Variants in SIMC1 observed in about 807,000 individuals in gnomAD.
The protein encoded by SIMC1 is SUMO interacting motifs containing 1, also known as SUMO-interacting motif-containing protein 1.
Under a neutral mutation model 82.3 loss-of-function variants are expected in SIMC1, and 55 were observed. That is an observed-to-expected ratio of 0.67 (90% confidence interval 0.54 to 0.84). SIMC1 has a LOEUF of 0.84. Among genes scored for constraint, SIMC1 ranks in the 40% least tolerant of loss-of-function variants. The pLI is 0.00. For synonymous variants in SIMC1, 353 were observed against 426.3 expected, an observed-to-expected ratio of 0.83 and a Z score of 2.12; for missense variants, 915 against 1,107.2, an observed-to-expected ratio of 0.83 and a Z score of 2.46.
chr5:176,293,923 A>G (rs1381933176), intron 2 of SIMC1, among the ~76,000 whole-genome samples: 2 of 152,196 alleles, frequency 1.3e-5, no homozygotes, highest in African/African-American at 2.4e-5. Context: ...ACATAATAGA[A>G]AATCACTTTT....
chr5:176,288,142 T>A lies in SIMC1; in HGVS notation c.130-1512T>A, dbSNP rs549152400. On this transcript the variant is annotated intron_variant, in intron 1 of 9. Transcript: ENST00000429602. ...TTTTAAATAGTCCAGGCACAGTGGC[T>A]CGTGCCTGTAATCCCAGCACTTTGG... Among the ~76,000 whole-genome samples the A allele has an allele frequency of 5.3e-5, 8 of 152,340 alleles. No individual in the cohort carries two copies. The South Asian group carries it at 1.7e-3, about 32-fold the overall frequency.
chr5:176,317,285 C>A (rs115787065), intron 5 of SIMC1, among the ~76,000 whole-genome samples: 58 of 152,086 alleles, frequency 3.8e-4, no homozygotes, highest in African/African-American at 9.9e-4. Flanking sequence ...CCATATGAAC[C>A]CTTCTTAAGG....
In SIMC1 at chr5:176,295,214, C is replaced by T; in HGVS notation, c.1616C>T (p.Thr539Ile). 1 of 1,613,350 alleles carries T rather than the reference C, an allele frequency of 6.2e-7. No individual in the cohort carries two copies. The highest frequency in any genetic ancestry group is 1.7e-4 in the Middle Eastern group (1 of 6,056). Residue 539 changes from threonine to isoleucine, a missense_variant, in exon 3 of 10, where the codon ACT becomes ATT. Coordinates refer to ENST00000429602, the MANE Select transcript of SIMC1 (RefSeq NM_001308195.2). The stretch of plus-strand genomic sequence containing the variant: ...AAAATCTTGCTCAGTGGCTCTGAGA[C>T]TGTGGATGTCCTAAAGGAGGCCTAC... Reference protein sequence around the residue: ...IQKILLSGSETVDVLKEAYML... With the variant: ...IQKILLSGSEIVDVLKEAYML...
intron 7 of SIMC1, among the ~76,000 whole-genome samples, chr5:176,325,787 G>T (rs1356158847): frequency 6.6e-6 from 1 of 151,986 alleles, no homozygotes; most frequent in Non-Finnish European, 1.5e-5. Flanking sequence ...TTATCCATAG[G>T]CCTGGCATAA....
At chr5:176,312,536 CAAAAAA>C (rs10551875) in intron 4 of SIMC1, among the ~76,000 whole-genome samples, 1 of 70,036 alleles carries the variant, frequency 1.4e-5, no homozygotes, top group Admixed American at 1.8e-4. Flanking sequence ...GACTCCATCT[CAAAAAA>C]AAAAAAAAAA....
intron 4 of SIMC1, among the ~76,000 whole-genome samples, chr5:176,312,227 T>C (rs184345943): frequency 6.6e-6 from 1 of 152,192 alleles, no homozygotes; most frequent in African/African-American, 2.4e-5. Flanking sequence ...AGTAGAAGAC[T>C]TTCTTTTTAT....
At position 176,252,225 on chromosome 5, in the gene SIMC1, C is replaced by G. The variant is rs535245268; in HGVS notation, c.129+13588C>G. 2.1e-4 allele frequency among the ~76,000 whole-genome samples: 31 copies of G among 148,828 alleles called. No homozygotes were observed. The East Asian group carries it at 4.9e-3, about 23-fold the overall frequency. On this transcript the variant is annotated intron_variant, in intron 1 of 9. Transcript: ENST00000429602. ...CGGGCGGGGGGCTGACCGCCCCCCC[C>G]ACCTCCCTCCCGGACGGGGCGGCTG...
At chr5:176,272,993 C>T (rs1040472640) in intron 1 of SIMC1, among the ~76,000 whole-genome samples, 6 of 152,182 alleles carry the variant, frequency 3.9e-5, no homozygotes, top group African/African-American at 1.4e-4. Flanking sequence ...TCTGTAGACT[C>T]CACTTCTAGG....
intron 6 of SIMC1, among the ~76,000 whole-genome samples, 180 bp from the exon 7 acceptor site, chr5:176,324,449 G>A (rs943319944): frequency 6.6e-6 from 1 of 152,192 alleles, no homozygotes; most frequent in Non-Finnish European, 1.5e-5. Context: ...TCAGGTAGGT[G>A]AAATTGCTAA....
At chr5:176,343,534 A>G (rs1475651752) in intron 9 of SIMC1, among the ~76,000 whole-genome samples, 50 of 152,238 alleles carry the variant, frequency 3.3e-4, no homozygotes, top group Admixed American at 3.3e-3. Context: ...AAAAGTAGAA[A>G]GAATAGTATA....
intron 4 of SIMC1, 39 bp from the exon 5 acceptor site, chr5:176,313,652 C>A: frequency 6.2e-7 from 1 of 1,609,292 alleles, no homozygotes; most frequent in Non-Finnish European, 8.5e-7. Flanking sequence ...ATCCAAGAGA[C>A]TGAGAAGAAA....
At chr5:176,344,709 GAT>G (rs1766348762) in intron 9 of SIMC1, among the ~76,000 whole-genome samples, 1 of 152,136 alleles carries the variant, frequency 6.6e-6, no homozygotes, top group Non-Finnish European at 1.5e-5. Flanking sequence ...CAGACCTCAT[GAT>G]AACTCACCAT....
At chr5:176,257,755 A>G (rs1244605216) in intron 1 of SIMC1, among the ~76,000 whole-genome samples, 2 of 152,182 alleles carry the variant, frequency 1.3e-5, no homozygotes, top group Non-Finnish European at 2.9e-5. Context: ...TGTTCCCCCA[A>G]ATGAATTTTA....
At chr5:176,324,838 A>G in intron 7 of SIMC1, 81 bp downstream of exon 7, 1 of 1,449,568 alleles carries the variant, frequency 6.9e-7, no homozygotes, top group South Asian at 1.5e-5. Flanking sequence ...TTATTAAATT[A>G]ACTTTTCTAT....
intron 1 of SIMC1, among the ~76,000 whole-genome samples, chr5:176,272,172 CAAAAAAAAAAA>C (rs1162307977): frequency 2.4e-3 from 47 of 19,970 alleles, no homozygotes; most frequent in African/African-American, 5.8e-3. Context: ...CCCATCTCTA[CAAAAAAAAAAA>C]AAAAAAAAAA....
intron 7 of SIMC1, among the ~76,000 whole-genome samples, chr5:176,325,426 C>G (rs1765348073): frequency 6.6e-6 from 1 of 150,878 alleles, no homozygotes; most frequent in South Asian, 2.1e-4. Context: ...TGGCTCACAC[C>G]TGTAATCCCA....
intron 2 of SIMC1, among the ~76,000 whole-genome samples, chr5:176,292,672 G>T (rs530813320): frequency 1.3e-5 from 2 of 152,042 alleles, no homozygotes; most frequent in African/African-American, 4.8e-5. Flanking sequence ...AGCCTCCCGC[G>T]TAGCTGGGTT....
Position 176,314,128 on chromosome 5 carries a change from G to A in SIMC1, c.1889+283G>A, listed in dbSNP as rs369608064. On this transcript the variant is annotated intron_variant, in intron 5 of 9. Coordinates refer to ENST00000429602, the MANE Select transcript of SIMC1 (RefSeq NM_001308195.2). ...CTAAAAATATACAAATTAGCAGGGC[G>A]TGGTGGCGTATGCCTGTAATTCCAG... 5.3e-5 allele frequency among the ~76,000 whole-genome samples: 8 copies of A among 152,256 alleles called. No individual in the cohort carries two copies. In the South Asian group the frequency reaches 1.0e-3, roughly 20 times the overall value.
chr5:176,289,582 A>G (rs1763449450), intron 1 of SIMC1, 72 bp from the exon 2 acceptor site: 2 of 1,223,298 alleles, frequency 1.6e-6, no homozygotes, highest in Non-Finnish European at 2.3e-6. Context: ...CTTAAAAGCT[A>G]AGACTTAAGT....
Sources: gnomAD v4.1 joint callset for allele counts (sites outside exome capture counted in the v4.1 genomes callset) on GRCh38, gnomAD v4.1.1 for gene constraint, MANE v1.5 for transcripts, NCBI Gene and HGNC (gene_info 2026-07-23, HGNC 2026-07-21) for gene names.